Variants in SNTG1 observed in about 807,000 individuals in gnomAD.
SNTG1 encodes syntrophin gamma 1, also known as gamma-1-syntrophin.
A neutral mutation model predicts 74.7 loss-of-function variants in SNTG1; 39 were observed. The observed-to-expected ratio is 0.52, with a 90% CI of 0.40 to 0.68. SNTG1 has a LOEUF of 0.68. Among genes scored for constraint, SNTG1 ranks in the 30% least tolerant of loss-of-function variants. The pLI, the probability that SNTG1 is intolerant of heterozygous loss-of-function variation, is 0.00. For missense variants in SNTG1, 685 were observed against 609.5 expected (o/e 1.12, Z -1.30); for synonymous variants, 254 against 217.1 (o/e 1.17, Z -1.49).
chr8:50,370,238 C>CT (rs1223232579), intron 2 of SNTG1, among the ~76,000 whole-genome samples: 2 of 152,134 alleles, frequency 1.3e-5, no homozygotes, highest in Non-Finnish European at 2.9e-5. Flanking sequence ...TGAAGGAGCT[C>CT]TTTTTTCCTG....
intron 12 of SNTG1, among the ~76,000 whole-genome samples, chr8:50,590,213 G>A (rs1428451756): frequency 6.6e-6 from 1 of 152,074 alleles, no homozygotes; most frequent in Non-Finnish European, 1.5e-5. Context: ...TCTCTACAAA[G>A]CTATTGGAAG....
intron 1 of SNTG1, among the ~76,000 whole-genome samples, chr8:50,059,783 A>C (rs556166005): frequency 6.6e-6 from 1 of 152,238 alleles, no homozygotes; most frequent in South Asian, 2.1e-4. Context: ...GGGTATCATG[A>C]ATAATGCTTT....
intron 2 of SNTG1, among the ~76,000 whole-genome samples, chr8:50,281,604 G>A (rs961386549): frequency 6.6e-6 from 1 of 152,104 alleles, no homozygotes; most frequent in African/African-American, 2.4e-5. Context: ...GTGAGATATT[G>A]GAGAAAAACT....
At chr8:50,664,673 C>G (rs1338941755) in intron 15 of SNTG1, among the ~76,000 whole-genome samples, 1 of 152,156 alleles carries the variant, frequency 6.6e-6, no homozygotes, top group Non-Finnish European at 1.5e-5. Context: ...GGGACAGCTA[C>G]CAATGGAACT....
At chr8:50,203,940 T>C (rs2084093767) in intron 2 of SNTG1, among the ~76,000 whole-genome samples, 1 of 152,152 alleles carries the variant, frequency 6.6e-6, no homozygotes, top group Non-Finnish European at 1.5e-5. Flanking sequence ...CTAAAAGTTA[T>C]GTTGTTATTG....
intron 1 of SNTG1, among the ~76,000 whole-genome samples, chr8:49,972,545 AC>A (rs1184357708): frequency 6.6e-6 from 1 of 152,214 alleles, no homozygotes; most frequent in Non-Finnish European, 1.5e-5. Context: ...GAGCTTCTGC[AC>A]AGCAAAAGAA....
chr8:50,158,509 G>C (rs2082319913), intron 1 of SNTG1, among the ~76,000 whole-genome samples: 1 of 152,152 alleles, frequency 6.6e-6, no homozygotes, highest in Non-Finnish European at 1.5e-5. Flanking sequence ...CAGGGTAATA[G>C]TATTAGCTTC....
At chr8:50,271,813 G>A (rs2087795286) in intron 2 of SNTG1, among the ~76,000 whole-genome samples, 1 of 152,164 alleles carries the variant, frequency 6.6e-6, no homozygotes, top group African/African-American at 2.4e-5. Flanking sequence ...GTTATGATAT[G>A]AATGCCTGTG....
intron 3 of SNTG1, among the ~76,000 whole-genome samples, chr8:50,401,906 A>AT (rs1422207453): frequency 1.3e-5 from 2 of 152,224 alleles, no homozygotes; most frequent in African/African-American, 4.8e-5. Context: ...TTTTTAGATT[A>AT]TAAGTATTAC....
intron 9 of SNTG1, among the ~76,000 whole-genome samples, chr8:50,507,402 C>A (rs1036541231): frequency 6.6e-5 from 10 of 152,186 alleles, no homozygotes; most frequent in African/African-American, 2.4e-4. Context: ...AAGATCAGTG[C>A]TAATTCCTCT....
intron 9 of SNTG1, among the ~76,000 whole-genome samples, chr8:50,506,138 T>A (rs2094004465): frequency 6.6e-6 from 1 of 152,102 alleles, no homozygotes; most frequent in South Asian, 2.1e-4. Flanking sequence ...CCTTAACATG[T>A]TTGTTTAAAA....
intron 1 of SNTG1, among the ~76,000 whole-genome samples, chr8:49,931,738 A>G (rs753322795): frequency 2.6e-5 from 4 of 152,208 alleles, no homozygotes; most frequent in Non-Finnish European, 5.9e-5. Flanking sequence ...CTTGCTCAAT[A>G]TGAATGAATG....
rs560626219 is a variant in SNTG1, at chr8:49,923,013, T to C, written c.-103+10782T>C. 4.6e-5 allele frequency among the ~76,000 whole-genome samples: 7 copies of C among 152,264 alleles called. No homozygotes were observed. In the East Asian group the frequency reaches 1.2e-3, roughly 25 times the overall value. On this transcript the variant is annotated intron_variant, in intron 1 of 18. Coordinates refer to ENST00000642720, the MANE Select transcript of SNTG1 (RefSeq NM_018967.5). ...GCTGTGGTAGATATTCCACCTGAAA[T>C]ATCTGGAAATTCAACTGAAAGAATT...
chr8:50,624,503 G>A (rs866210269), intron 13 of SNTG1, among the ~76,000 whole-genome samples: 18 of 151,950 alleles, frequency 1.2e-4, no homozygotes, highest in African/African-American at 4.3e-4. Context: ...AATGGAATTT[G>A]GTACTTGAAA....
intron 4 of SNTG1, among the ~76,000 whole-genome samples, chr8:50,422,467 C>T (rs2131466653): frequency 6.6e-6 from 1 of 152,178 alleles, no homozygotes; most frequent in East Asian, 1.9e-4. Context: ...GTACTTTCTG[C>T]CTGCTGCACA....
chr8:50,086,069 CAACT>C (rs1822856697), intron 1 of SNTG1, among the ~76,000 whole-genome samples: 1 of 152,090 alleles, frequency 6.6e-6, no homozygotes, highest in Non-Finnish European at 1.5e-5. Flanking sequence ...GGGTAGCAAC[CAACT>C]ATGTCCATAC....
chr8:50,472,446 G>A (rs1480173863), intron 8 of SNTG1, among the ~76,000 whole-genome samples: 1 of 152,082 alleles, frequency 6.6e-6, no homozygotes, highest in Admixed American at 6.6e-5. Context: ...TCAACAAATG[G>A]TGTTGGGAAA....
intron 15 of SNTG1, 39 bp downstream of exon 15, chr8:50,658,702 C>G: frequency 7.0e-7 from 1 of 1,436,226 alleles, no homozygotes; most frequent in South Asian, 1.2e-5. Context: ...ATGGCTTTTC[C>G]TCAGCAAATA....
intron 1 of SNTG1, among the ~76,000 whole-genome samples, chr8:50,117,543 A>G (rs569868573): frequency 2.0e-5 from 3 of 152,196 alleles, no homozygotes; most frequent in Non-Finnish European, 4.4e-5. Context: ...ATCAATAATC[A>G]TGGAGGAGGA....
Sources: allele counts gnomAD v4.1 joint callset (sites outside exome capture counted in the v4.1 genomes callset), GRCh38; gene constraint gnomAD v4.1.1; transcripts MANE v1.5; gene names NCBI Gene and HGNC (gene_info 2026-07-23, HGNC 2026-07-21).